Variants in COL19A1 observed in about 807,000 individuals in gnomAD.
The protein encoded by COL19A1 is collagen alpha-1(XIX) chain.
A neutral mutation model predicts 190.2 loss-of-function variants in COL19A1; 159 were observed. The ratio of observed to expected loss-of-function variants is 0.84; its 90% CI spans 0.73 to 0.95. The LOEUF (loss-of-function observed/expected upper bound fraction) is 0.95, where lower values mean the gene tolerates loss of function less well. Among genes scored for constraint, COL19A1 ranks in the 40% least tolerant of loss-of-function variants. COL19A1 has a pLI of 0.00. For synonymous variants in COL19A1, 509 were observed against 458.9 expected, an observed-to-expected ratio of 1.11 and a Z score of -1.39; for missense variants, 1,418 against 1,431.9, an observed-to-expected ratio of 0.99 and a Z score of 0.16.
rs1561999464 is a variant in COL19A1 at position 69,921,722 on chromosome 6, ATATATTCGTATGTAGATTCGTATATG to A, written c.267-6109_267-6084del. On this transcript the variant is annotated intron_variant, in intron 4 of 50. Coordinates refer to ENST00000620364, the MANE Select transcript of COL19A1 (RefSeq NM_001858.6). ...CGTATATATTCGTATGTAGATTCGT[ATATATTCGTATGTAGATTCGTATATG>A]TATATTCGTATGTAGATTCGTATAT... 3.2e-3 allele frequency among the ~76,000 whole-genome samples: 405 copies of A among 126,576 alleles called. 15 individuals carry two copies. The highest frequency in any genetic ancestry group is 8.9e-3 in the Middle Eastern group (2 of 224). 83.0% of individuals were successfully genotyped at this position (126,576 alleles called of 152,430 possible). A position where few individuals can be genotyped will look rare whatever the true frequency, so the allele number is the denominator to read the frequency against.
At chr6:70,090,161 A>C (rs938643584) in intron 15 of COL19A1, among the ~76,000 whole-genome samples, 1 of 149,450 alleles carries the variant, frequency 6.7e-6, no homozygotes. Flanking sequence ...TGGGTGACAG[A>C]GCAAGACTCT....
At chr6:69,902,962 G>A (rs531009353) in intron 4 of COL19A1, among the ~76,000 whole-genome samples, 180 of 152,194 alleles carry the variant, frequency 1.2e-3, no homozygotes, top group African/African-American at 4.1e-3. Flanking sequence ...GTTCATCCCC[G>A]TACCTGGCTG....
chr6:70,026,942 G>A (rs1167169851), intron 12 of COL19A1, among the ~76,000 whole-genome samples: 1 of 152,016 alleles, frequency 6.6e-6, no homozygotes, highest in East Asian at 1.9e-4. Flanking sequence ...TTATTTTTCA[G>A]TGCTAAAAAA....
At chr6:70,144,850 C>A in intron 24 of COL19A1, 68 bp from the exon 25 acceptor site, 1 of 974,294 alleles carries the variant, frequency 1.0e-6, no homozygotes, top group Non-Finnish European at 1.6e-6. Context: ...ACAATGGAAA[C>A]CACTACCTCC....
intron 4 of COL19A1, among the ~76,000 whole-genome samples, chr6:69,921,842 T>G (rs1771985075): frequency 6.6e-6 from 1 of 151,758 alleles, no homozygotes; most frequent in South Asian, 2.1e-4. Flanking sequence ...GTATGTAGAT[T>G]CGTATATATA....
intron 12 of COL19A1, among the ~76,000 whole-genome samples, chr6:70,032,976 T>C (rs191448374): frequency 1.1e-3 from 165 of 152,298 alleles, no homozygotes; most frequent in Non-Finnish European, 1.8e-3. Context: ...TTGTAAATAA[T>C]AAGACAATAC....
intron 44 of COL19A1, among the ~76,000 whole-genome samples, chr6:70,183,311 G>A (rs1766301906): frequency 6.6e-6 from 1 of 152,184 alleles, no homozygotes; most frequent in South Asian, 2.1e-4. Context: ...TGAATGAGAT[G>A]AGGGTAGAGA....
intron 11 of COL19A1, among the ~76,000 whole-genome samples, chr6:70,023,131 C>CTT (rs1419955153): frequency 2.1e-5 from 3 of 142,228 alleles, no homozygotes; most frequent in Admixed American, 7.1e-5. Context: ...TTTTATGCAG[C>CTT]TATTTTTTTT....
At chr6:69,963,481 A>G (rs551705046) in intron 11 of COL19A1, among the ~76,000 whole-genome samples, 6 of 152,308 alleles carry the variant, frequency 3.9e-5, no homozygotes, top group African/African-American at 1.4e-4. Flanking sequence ...CCAAGGCTGG[A>G]GACAGGAGCT....
At position 70,206,978 on chromosome 6, in the gene COL19A1, G is replaced by A; in HGVS notation, c.3301G>A (p.Ala1101Thr). ...PGSPGLPGTSALGLPGSPGAP... is the reference protein window; with the variant it reads ...PGSPGLPGTSTLGLPGSPGAP... Reference sequence around the variant, plus strand: ...GAGTCCAGGTCTTCCTGGGACTTCAGGTAAGTGGGATATTGTCTTCACAAC... The same window carrying A: ...GAGTCCAGGTCTTCCTGGGACTTCAAGTAAGTGGGATATTGTCTTCACAAC... The change falls in exon 50 of 51, where the codon GCT becomes ACT. Residue 1101 changes from alanine (A) to threonine (T), a missense_variant and splice_region_variant. Coordinates refer to ENST00000620364, the MANE Select transcript of COL19A1 (RefSeq NM_001858.6). 1.2e-6 allele frequency: 2 copies of A among 1,613,458 alleles called. No individual in the cohort carries two copies. The highest frequency in any genetic ancestry group is 1.7e-6 in the Non-Finnish European group (2 of 1,179,774).
intron 16 of COL19A1, 101 bp downstream of exon 16, chr6:70,102,323 T>G: frequency 1.1e-6 from 1 of 889,008 alleles, no homozygotes; most frequent in Middle Eastern, 2.2e-4. Context: ...ATGATTTCCT[T>G]TATTCTACTG....
intron 9 of COL19A1, among the ~76,000 whole-genome samples, chr6:69,940,442 T>C (rs995723432): frequency 6.6e-6 from 1 of 151,960 alleles, no homozygotes; most frequent in Non-Finnish European, 1.5e-5. Context: ...TCTCCTTCTA[T>C]AGAAACTAAA....
At chr6:70,180,378 T>C (rs1262939359) in intron 43 of COL19A1, 22 bp downstream of exon 43, 1 of 1,614,176 alleles carries the variant, frequency 6.2e-7, no homozygotes, top group Admixed American at 1.7e-5. Context: ...GTTACTTTCA[T>C]GACAGTTGTA....
At chr6:70,116,073 AT>A (rs575480525) in intron 16 of COL19A1, among the ~76,000 whole-genome samples, 16 of 152,024 alleles carry the variant, frequency 1.1e-4, no homozygotes, top group Non-Finnish European at 7.4e-5. Context: ...AACATTATTG[AT>A]TTTTTCCCCC....
At chr6:70,029,698 C>T (rs547383847) in intron 12 of COL19A1, among the ~76,000 whole-genome samples, 80 of 152,104 alleles carry the variant, frequency 5.3e-4, no homozygotes, top group Non-Finnish European at 9.0e-4. Flanking sequence ...CACAGGAAGA[C>T]GTGAGTTACA....
At chr6:70,173,023 A>T (rs1322054228) in intron 41 of COL19A1, among the ~76,000 whole-genome samples, 1 of 152,222 alleles carries the variant, frequency 6.6e-6, no homozygotes, top group East Asian at 1.9e-4. Flanking sequence ...GCATTATTAG[A>T]GAATAAAGAG....
chr6:70,070,023 C>T (rs1335322226), intron 15 of COL19A1, among the ~76,000 whole-genome samples: 1 of 152,244 alleles, frequency 6.6e-6, no homozygotes, highest in East Asian at 1.9e-4. Flanking sequence ...GCCTAGGCTA[C>T]CATCTTTTCC....
intron 11 of COL19A1, among the ~76,000 whole-genome samples, chr6:69,996,822 A>G (rs1373596290): frequency 6.6e-6 from 1 of 151,950 alleles, no homozygotes; most frequent in African/African-American, 2.4e-5. Context: ...CAACCTTTAA[A>G]TAGAGTCTGT....
chr6:70,004,914 G>A (rs1289026526), intron 11 of COL19A1, among the ~76,000 whole-genome samples: 2 of 151,162 alleles, frequency 1.3e-5, no homozygotes, highest in African/African-American at 2.4e-5. Flanking sequence ...CTCACTGTAA[G>A]CTCTGCCCCC....
Sources: allele counts gnomAD v4.1 joint callset (sites outside exome capture counted in the v4.1 genomes callset), GRCh38; gene constraint gnomAD v4.1.1; transcripts MANE v1.5; gene names NCBI Gene and HGNC (gene_info 2026-07-23, HGNC 2026-07-21).